Variants in DLG2 observed in about 807,000 individuals in gnomAD.
DLG2 encodes the protein discs large MAGUK scaffold protein 2, also known as disks large homolog 2.
DLG2 carries 45 observed loss-of-function variants against 132.5 expected under a neutral mutation model. The observed-to-expected ratio is 0.34, with a 90% CI of 0.27 to 0.44. The LOEUF (loss-of-function observed/expected upper bound fraction) is 0.44, where lower values mean the gene tolerates loss of function less well. Among genes scored for constraint, DLG2 ranks in the 20% least tolerant of loss-of-function variants. DLG2 has a pLI of 1.00. For missense variants in DLG2, 1,045 were observed against 1,196.9 expected, an observed-to-expected ratio of 0.87 and a Z score of 1.87; for synonymous variants, 424 against 419.6, an observed-to-expected ratio of 1.01 and a Z score of -0.13.
chr11:85,405,905 G>A (rs144659896), intron 3 of DLG2, among the ~76,000 whole-genome samples: 63 of 152,058 alleles, frequency 4.1e-4, no homozygotes, highest in African/African-American at 1.5e-3. Flanking sequence ...CAGAAGATAT[G>A]CTTTAAAGTT....
intron 10 of DLG2, among the ~76,000 whole-genome samples, chr11:84,090,239 C>A (rs1051319719): frequency 6.6e-6 from 1 of 151,716 alleles, no homozygotes; most frequent in East Asian, 1.9e-4. Flanking sequence ...CATGGTGAAA[C>A]CCCGTCTCTA....
intron 11 of DLG2, among the ~76,000 whole-genome samples, chr11:84,011,245 A>G (rs940111858): frequency 1.3e-5 from 2 of 152,020 alleles, no homozygotes; most frequent in African/African-American, 2.4e-5. Flanking sequence ...CTGAAGTAGG[A>G]GGATTACTTG....
intron 3 of DLG2, among the ~76,000 whole-genome samples, chr11:85,340,333 T>C (rs1047175731): frequency 7.2e-5 from 11 of 152,174 alleles, no homozygotes; most frequent in Non-Finnish European, 5.9e-5. Flanking sequence ...GTTCATGTCC[T>C]TTGCAGGGAC....
intron 4 of DLG2, among the ~76,000 whole-genome samples, chr11:85,175,107 C>T (rs1014575381): frequency 5.9e-5 from 9 of 152,110 alleles, no homozygotes; most frequent in African/African-American, 2.2e-4. Context: ...TCCTCCCTAA[C>T]ACATTTTATG....
intron 5 of DLG2, among the ~76,000 whole-genome samples, chr11:85,147,524 T>C (rs2076946648): frequency 1.3e-5 from 2 of 152,222 alleles, no homozygotes; most frequent in African/African-American, 4.8e-5. Flanking sequence ...TCTTTATAAA[T>C]TTTGGATATT....
chr11:85,003,009 T>C (rs186338551), intron 6 of DLG2, among the ~76,000 whole-genome samples: 5 of 152,196 alleles, frequency 3.3e-5, no homozygotes, highest in African/African-American at 1.2e-4. Flanking sequence ...ATATAGTATT[T>C]ATATTATTGA....
intron 8 of DLG2, among the ~76,000 whole-genome samples, chr11:84,225,801 C>CT (rs563183713): frequency 6.7e-4 from 97 of 144,506 alleles, no homozygotes; most frequent in Non-Finnish European, 7.5e-4. Context: ...TTTCTTTTGT[C>CT]TTTTTTTTTT....
At chr11:83,561,592 G>A (rs1017465430) in intron 19 of DLG2, among the ~76,000 whole-genome samples, 1 of 152,142 alleles carries the variant, frequency 6.6e-6, no homozygotes, top group African/African-American at 2.4e-5. Context: ...GCTCCAGTCT[G>A]TTTGTTAATT....
intron 3 of DLG2, among the ~76,000 whole-genome samples, chr11:85,432,599 C>T (rs1396983310): frequency 1.3e-5 from 2 of 151,234 alleles, no homozygotes; most frequent in Admixed American, 6.6e-5. Context: ...GATGGAATAA[C>T]GGAGGCAGGC....
intron 6 of DLG2, among the ~76,000 whole-genome samples, chr11:84,862,391 C>A (rs1222616828): frequency 1.3e-5 from 2 of 152,030 alleles, no homozygotes; most frequent in South Asian, 2.1e-4. Context: ...ATTAGTTCAA[C>A]CGTTGTGGAA....
At chr11:85,112,599 GAAC>G (rs2072950862) in intron 5 of DLG2, among the ~76,000 whole-genome samples, 1 of 151,830 alleles carries the variant, frequency 6.6e-6, no homozygotes, top group African/African-American at 2.4e-5. Context: ...GTGATTTACT[GAAC>G]AACTAAATAT....
chr11:84,873,500 A>C (rs1263344962), intron 6 of DLG2, among the ~76,000 whole-genome samples: 1 of 152,216 alleles, frequency 6.6e-6, no homozygotes, highest in Non-Finnish European at 1.5e-5. Flanking sequence ...AGCACTAATA[A>C]CTAATATATT....
intron 3 of DLG2, among the ~76,000 whole-genome samples, chr11:85,401,348 A>G (rs1015507029): frequency 6.6e-6 from 1 of 152,168 alleles, no homozygotes; most frequent in African/African-American, 2.4e-5. Flanking sequence ...TCAAAATAAT[A>G]AGAGTTATTT....
In DLG2 at chr11:83,843,957, G is replaced by A. The variant is rs542695360; in HGVS notation, c.1566-10187C>T. Among the ~76,000 whole-genome samples the A allele has an allele frequency of 8.5e-5, 13 of 152,272 alleles. No individual in the cohort carries two copies. In the East Asian group the frequency reaches 2.5e-3, roughly 29 times the overall value. ...AATGCTTGGCTAAGCTTGCAAGTAA[G>A]AGAAATCTTCAGAGGATGAAAATGA... On this transcript the variant is annotated intron_variant, in intron 16 of 27. Transcript: ENST00000376104.
intron 4 of DLG2, among the ~76,000 whole-genome samples, chr11:85,207,285 G>C (rs896857010): frequency 6.6e-6 from 1 of 152,106 alleles, no homozygotes; most frequent in South Asian, 2.1e-4. Context: ...GCTAGCCAAA[G>C]GCACAATTGT....
At chr11:84,852,988 C>T (rs1020870166) in intron 6 of DLG2, among the ~76,000 whole-genome samples, 1 of 151,912 alleles carries the variant, frequency 6.6e-6, no homozygotes, top group Non-Finnish European at 1.5e-5. Context: ...GGAAGAAAAG[C>T]AAAATTGGAT....
intron 11 of DLG2, among the ~76,000 whole-genome samples, chr11:84,019,130 G>A (rs923559757): frequency 1.3e-5 from 2 of 151,892 alleles, no homozygotes; most frequent in Admixed American, 6.6e-5. Flanking sequence ...TATGTATTTT[G>A]TATGCTTTTC....
chr11:85,191,162 GCACACACACACACACACACACA>G (rs3067460), intron 4 of DLG2, among the ~76,000 whole-genome samples: 1 of 139,842 alleles, frequency 7.2e-6, no homozygotes, highest in Non-Finnish European at 1.5e-5. Flanking sequence ...GCGCACGCGC[GCACACACACACACACACACACA>G]CACACACACA....
At chr11:85,475,595 C>A (rs964552399) in intron 3 of DLG2, among the ~76,000 whole-genome samples, 5 of 152,002 alleles carry the variant, frequency 3.3e-5, no homozygotes, top group Non-Finnish European at 7.4e-5. Context: ...ACAAAATTAT[C>A]TCAAAAGAGA....
Sources: allele counts gnomAD v4.1 joint callset (sites outside exome capture counted in the v4.1 genomes callset), GRCh38; gene constraint gnomAD v4.1.1; transcripts MANE v1.5; gene names NCBI Gene and HGNC (gene_info 2026-07-23, HGNC 2026-07-21).